Variants in KIAA1217 observed in about 807,000 individuals in gnomAD.
The protein encoded by KIAA1217 is KIAA1217.
Under a neutral mutation model 163.9 loss-of-function variants are expected in KIAA1217, and 88 were observed. That is an observed-to-expected ratio of 0.54 (90% CI 0.45 to 0.64). The LOEUF (loss-of-function observed/expected upper bound fraction) is 0.64, where lower values mean the gene tolerates loss of function less well. KIAA1217 is among the 30% of genes least tolerant of loss of function. The pLI, the probability that KIAA1217 is intolerant of heterozygous loss-of-function variation, is 0.00. For missense variants in KIAA1217, 2,372 were observed against 2,475.0 expected, an observed-to-expected ratio of 0.96 and a Z score of 0.88; for synonymous variants, 903 against 923.1, an observed-to-expected ratio of 0.98 and a Z score of 0.39.
At chr10:23,994,484 T>C (rs915910565) in intron 1 of KIAA1217, among the ~76,000 whole-genome samples, 1 of 152,218 alleles carries the variant, frequency 6.6e-6, no homozygotes, top group African/African-American at 2.4e-5. Context: ...AGTTGCCCTT[T>C]CTTTCTACTA....
Position 24,524,420 on chromosome 10 carries a change from C to A in KIAA1217, c.2554C>A (p.Gln852Lys), listed in dbSNP as rs1006647013. 6.2e-6 allele frequency: 10 copies of A among 1,614,216 alleles called. No individual in the cohort carries two copies. The highest frequency in any genetic ancestry group is 8.5e-6 in the Non-Finnish European group (10 of 1,180,034). ...KATAAEVLKS[Q>K]EEAAHTSGQP... ...CACAGCCGCAGAAGTCCTGAAGAGT[C>A]AGGAGGAGGCAGCCCACACCTCCGG... The change falls in exon 13 of 21, where the codon CAG (glutamine) becomes AAG (lysine). Residue 852 changes from glutamine (Q) to lysine (K), a missense_variant. Around this residue, in one of 3 missense-constraint regions of KIAA1217, gnomAD observed 1,431 missense variants for 1,470.3 expected, o/e 0.97. Coordinates refer to ENST00000376454, the MANE Select transcript of KIAA1217 (RefSeq NM_019590.5).
intron 1 of KIAA1217, among the ~76,000 whole-genome samples, chr10:23,789,366 T>C (rs976895857): frequency 4.6e-5 from 7 of 152,188 alleles, no homozygotes; most frequent in African/African-American, 1.4e-4. Flanking sequence ...ATTTCCTTTT[T>C]CTCTAGACAT....
intron 1 of KIAA1217, among the ~76,000 whole-genome samples, chr10:24,215,413 A>G (rs1376132211): frequency 6.6e-6 from 1 of 152,172 alleles, no homozygotes; most frequent in Non-Finnish European, 1.5e-5. Context: ...AGACACACCC[A>G]TATTTAAATG....
intron 9 of KIAA1217, among the ~76,000 whole-genome samples, chr10:24,511,383 C>T (rs59672877): frequency 0.017 from 2,511 of 152,116 alleles, 74 homozygotes; most frequent in African/African-American, 0.057. Context: ...TGGCTCATGC[C>T]TGTAATCCCA....
chr10:24,131,256 C>T (rs570142146), intron 2 of KIAA1217, among the ~76,000 whole-genome samples: 235 of 152,212 alleles, frequency 1.5e-3, no homozygotes, highest in Admixed American at 4.7e-3. Flanking sequence ...GTGTTTCTTT[C>T]GAGGTATTTT....
chr10:24,389,056 C>T (rs2054455267), intron 3 of KIAA1217, among the ~76,000 whole-genome samples: 1 of 152,066 alleles, frequency 6.6e-6, no homozygotes, highest in African/African-American at 2.4e-5. Flanking sequence ...CATTACTGGG[C>T]ATATATCCAA....
intron 2 of KIAA1217, among the ~76,000 whole-genome samples, chr10:24,040,051 G>A (rs1390117180): frequency 1.3e-5 from 2 of 152,094 alleles, no homozygotes; most frequent in Non-Finnish European, 2.9e-5. Context: ...ACACTGCATG[G>A]GATAAAACCA....
chr10:24,390,723 T>G (rs757778087), intron 3 of KIAA1217, among the ~76,000 whole-genome samples: 10 of 152,332 alleles, frequency 6.6e-5, no homozygotes, highest in Admixed American at 2.0e-4. Context: ...AGTCAATCTT[T>G]AAGTAAAACA....
chr10:23,917,012 T>A (rs1842660900), intron 1 of KIAA1217, among the ~76,000 whole-genome samples: 3 of 151,786 alleles, frequency 2.0e-5, no homozygotes, highest in Admixed American at 2.0e-4. Context: ...TTTCTTTCTA[T>A]CTTTCCTCCC....
chr10:23,890,985 G>A (rs12241040), intron 1 of KIAA1217, among the ~76,000 whole-genome samples: 38,592 of 151,776 alleles, frequency 0.25, 5,001 homozygotes, highest in Middle Eastern at 0.32. Flanking sequence ...CCATTATACA[G>A]TGTCTTTCTT....
intron 2 of KIAA1217, among the ~76,000 whole-genome samples, chr10:24,223,688 T>A (rs1241090862): frequency 6.6e-6 from 1 of 151,116 alleles, no homozygotes; most frequent in African/African-American, 2.4e-5. Flanking sequence ...CCGTCTAACA[T>A]GAAATCTCTT....
intron 18 of KIAA1217, 31 bp from the exon 19 acceptor site, chr10:24,542,852 T>C (rs1270224550): frequency 6.2e-7 from 1 of 1,609,836 alleles, no homozygotes; most frequent in Admixed American, 1.7e-5. Flanking sequence ...GATTAACGTG[T>C]GTGGTTTCCC....
chr10:23,871,201 A>G (rs12244254), intron 1 of KIAA1217, among the ~76,000 whole-genome samples: 1,975 of 152,048 alleles, frequency 0.013, 60 homozygotes, highest in African/African-American at 0.045. Flanking sequence ...TAGTCACTTG[A>G]TTACTGTCAT....
At chr10:23,824,382 C>G (rs1171206625) in intron 1 of KIAA1217, among the ~76,000 whole-genome samples, 1 of 151,610 alleles carries the variant, frequency 6.6e-6, no homozygotes, top group South Asian at 2.1e-4. Flanking sequence ...GTAATCCCAG[C>G]GCTTTGGGAG....
At chr10:23,876,285 C>T (rs776432932) in intron 1 of KIAA1217, among the ~76,000 whole-genome samples, 3 of 151,490 alleles carry the variant, frequency 2.0e-5, no homozygotes, top group Non-Finnish European at 4.4e-5. Flanking sequence ...ACACTGGGTA[C>T]TCATAGACAT....
chr10:24,396,197 T>C (rs1177334216), intron 3 of KIAA1217, among the ~76,000 whole-genome samples: 1 of 151,890 alleles, frequency 6.6e-6, no homozygotes, highest in Non-Finnish European at 1.5e-5. Flanking sequence ...ATTAGACAGG[T>C]GTGGTGGCAG....
chr10:23,983,021 C>A (rs1845835017), intron 1 of KIAA1217, among the ~76,000 whole-genome samples: 2 of 151,920 alleles, frequency 1.3e-5, no homozygotes, highest in Non-Finnish European at 2.9e-5. Flanking sequence ...AGGTTTGCTG[C>A]AGAGGTCTTC....
intron 2 of KIAA1217, among the ~76,000 whole-genome samples, chr10:24,289,331 C>T (rs1271834268): frequency 6.6e-6 from 1 of 151,916 alleles, no homozygotes; most frequent in Non-Finnish European, 1.5e-5. Context: ...AAGGAGTTAA[C>T]CAGTGAAGGC....
At chr10:24,229,433 A>G (rs11013984) in intron 2 of KIAA1217, among the ~76,000 whole-genome samples, 93,577 of 152,132 alleles carry the variant, frequency 0.62, 30,286 homozygotes, top group Non-Finnish European at 0.73. Context: ...GAATAGCCAC[A>G]TGTAGTAGAA....
Sources: gnomAD v4.1 joint callset for allele counts (sites outside exome capture counted in the v4.1 genomes callset) on GRCh38, gnomAD v4.1.1 for gene constraint, gnomAD v4.1.1 regional missense constraint, MANE v1.5 for transcripts, NCBI Gene and HGNC (gene_info 2026-07-23, HGNC 2026-07-21) for gene names.